Variants in TNIK observed in about 807,000 individuals in gnomAD.
TNIK encodes TRAF2 and NCK interacting kinase, also known as TRAF2 and NCK-interacting protein kinase.
A neutral mutation model predicts 191.3 loss-of-function variants in TNIK; 49 were observed. That is an observed-to-expected ratio of 0.26 (90% CI 0.20 to 0.32). The LOEUF (loss-of-function observed/expected upper bound fraction) is 0.32, where lower values mean the gene tolerates loss of function less well. TNIK is among the 10% of genes least tolerant of loss of function. The probability of loss-of-function intolerance (pLI) is 1.00; values close to 1 mark genes in which losing one functional copy is unlikely to be tolerated. For synonymous variants in TNIK, 594 were observed against 600.9 expected, an observed-to-expected ratio of 0.99 and a Z score of 0.17; for missense variants, 1,155 against 1,702.3, an observed-to-expected ratio of 0.68 and a Z score of 5.66.
At chr3:171,289,794 C>T (rs541113923) in intron 2 of TNIK, among the ~76,000 whole-genome samples, 14 of 149,264 alleles carry the variant, frequency 9.4e-5, no homozygotes, top group Non-Finnish European at 1.8e-4. Flanking sequence ...TCCAGCTACT[C>T]GGGAGGCTGA....
In TNIK at chr3:171,185,178, C is replaced by CGTGTGTGT. The variant is rs148499254; in HGVS notation, c.639+3516_639+3523dup. ...TTTTCCAGGTTCTTTATAGATTTCC[C>CGTGTGTGT]GTGTGTGTGTGTGTGTGTGTGTGTG... On this transcript the variant is annotated intron_variant, in intron 7 of 32. Transcript: ENST00000436636. Among the ~76,000 whole-genome samples the CGTGTGTGT allele has an allele frequency of 1.7e-3, 242 of 145,968 alleles. 2 individuals are homozygous for CGTGTGTGT. The highest frequency in any genetic ancestry group is 4.2e-3 in the African/African-American group (169 of 39,948).
At chr3:171,443,394 C>A (rs1727079531) in intron 1 of TNIK, among the ~76,000 whole-genome samples, 1 of 152,172 alleles carries the variant, frequency 6.6e-6, no homozygotes, top group Admixed American at 6.5e-5. Context: ...TGTGAAAAAG[C>A]CATTTCAAAT....
At chr3:171,374,667 A>G (rs1479126437) in intron 1 of TNIK, among the ~76,000 whole-genome samples, 1 of 152,236 alleles carries the variant, frequency 6.6e-6, no homozygotes, top group African/African-American at 2.4e-5. Context: ...ACATTATTTC[A>G]TAATGAAATA....
At chr3:171,352,916 C>T (rs543803087) in intron 2 of TNIK, among the ~76,000 whole-genome samples, 1 of 152,022 alleles carries the variant, frequency 6.6e-6, no homozygotes, top group African/African-American at 2.4e-5. Context: ...TTTGATTGAC[C>T]CAAGCCAAAG....
At chr3:171,129,016 T>G (rs552155486) in intron 15 of TNIK, 138 bp from the exon 16 acceptor site, 73 of 1,335,298 alleles carry the variant, frequency 5.5e-5, no homozygotes, top group Non-Finnish European at 7.0e-5. Context: ...GACAAAACTC[T>G]GTGCTGCATC....
intron 1 of TNIK, among the ~76,000 whole-genome samples, chr3:171,454,191 T>A (rs904629946): frequency 1.3e-5 from 2 of 152,194 alleles, no homozygotes; most frequent in Non-Finnish European, 2.9e-5. Context: ...AATCAGAGAC[T>A]GGTTGTGCTC....
At chr3:171,210,556 C>A (rs1278075155) in intron 4 of TNIK, among the ~76,000 whole-genome samples, 1 of 152,044 alleles carries the variant, frequency 6.6e-6, no homozygotes, top group Non-Finnish European at 1.5e-5. Context: ...CTACTTGGTA[C>A]CAGACACTGT....
chr3:171,150,521 T>C (rs1002611807), intron 12 of TNIK, among the ~76,000 whole-genome samples: 1 of 152,142 alleles, frequency 6.6e-6, no homozygotes, highest in Non-Finnish European at 1.5e-5. Context: ...TATTTAGATA[T>C]TGTTAGGAAA....
chr3:171,319,630 T>C (rs1754980019), intron 2 of TNIK, among the ~76,000 whole-genome samples: 1 of 152,174 alleles, frequency 6.6e-6, no homozygotes. Context: ...TTTTGCATAA[T>C]TGAAGCAATA....
At chr3:171,318,696 A>C (rs1399332484) in intron 2 of TNIK, among the ~76,000 whole-genome samples, 2 of 152,172 alleles carry the variant, frequency 1.3e-5, no homozygotes, top group African/African-American at 4.8e-5. Flanking sequence ...ATTGAAAAAA[A>C]GCAACTTTGA....
At chr3:171,321,545 A>G (rs1755165069) in intron 2 of TNIK, among the ~76,000 whole-genome samples, 1 of 152,196 alleles carries the variant, frequency 6.6e-6, no homozygotes, top group Admixed American at 6.5e-5. Flanking sequence ...AGTCCCCCTC[A>G]TGCCATTTGG....
chr3:171,212,106 A>G (rs1051238860), intron 3 of TNIK, among the ~76,000 whole-genome samples: 8 of 152,142 alleles, frequency 5.3e-5, no homozygotes, highest in Non-Finnish European at 1.5e-5. Context: ...GCAGTAAGCT[A>G]TGACTGTCCC....
At position 171,311,728 on chromosome 3, in the gene TNIK, A is replaced by G. The variant is rs543272652; in HGVS notation, c.123+57892T>C. ...CAAACACTTTTTTCCTGGCTTTCCCATTATTTTAACAAGTTATGTGAGTGG... is the reference window on the plus strand; with the variant it reads ...CAAACACTTTTTTCCTGGCTTTCCCGTTATTTTAACAAGTTATGTGAGTGG... On this transcript the variant is annotated intron_variant, in intron 2 of 32. Transcript: ENST00000436636. 2.6e-5 allele frequency among the ~76,000 whole-genome samples: 4 copies of G among 152,308 alleles called. No individual in the cohort carries two copies. The East Asian group carries it at 5.8e-4, about 22-fold the overall frequency.
chr3:171,371,709 T>G (rs1164023258), intron 1 of TNIK, among the ~76,000 whole-genome samples: 1 of 152,072 alleles, frequency 6.6e-6, no homozygotes, highest in African/African-American at 2.4e-5. Flanking sequence ...ATTTTGTTGG[T>G]TAAACTACTA....
chr3:171,440,752 A>C (rs987578800), intron 1 of TNIK, among the ~76,000 whole-genome samples: 1 of 152,202 alleles, frequency 6.6e-6, no homozygotes, highest in African/African-American at 2.4e-5. Flanking sequence ...ATAATTTGTT[A>C]ACAAATGAAC....
chr3:171,383,833 A>G (rs1257871886), intron 1 of TNIK, among the ~76,000 whole-genome samples: 2 of 152,212 alleles, frequency 1.3e-5, no homozygotes, highest in African/African-American at 2.4e-5. Context: ...ACTAAAAACT[A>G]GATTACATTC....
intron 2 of TNIK, chr3:171,347,066 T>C (rs1275416471): frequency 7.1e-7 from 1 of 1,418,436 alleles, no homozygotes; most frequent in East Asian, 2.5e-5. Flanking sequence ...AGGACAGTGG[T>C]GGCAGAGACA....
At chr3:171,220,760 AC>A (rs1742206264) in intron 3 of TNIK, among the ~76,000 whole-genome samples, 1 of 152,204 alleles carries the variant, frequency 6.6e-6, no homozygotes, top group Admixed American at 6.6e-5. Flanking sequence ...TTTGAGGTAC[AC>A]AAATAAAAGG....
chr3:171,113,592 C>T (rs1365726666), intron 18 of TNIK, among the ~76,000 whole-genome samples: 1 of 148,126 alleles, frequency 6.8e-6, no homozygotes, highest in Non-Finnish European at 1.5e-5. Context: ...GGAGACAGAG[C>T]GAGACTCTGT....
Sources: gnomAD v4.1 joint callset for allele counts (sites outside exome capture counted in the v4.1 genomes callset) on GRCh38, gnomAD v4.1.1 for gene constraint, MANE v1.5 for transcripts, NCBI Gene and HGNC (gene_info 2026-07-23, HGNC 2026-07-21) for gene names.